CDC14B: variants seen among roughly 807,000 people sequenced by gnomAD.
The protein encoded by CDC14B is dual specificity protein phosphatase CDC14B.
CDC14B carries 22 observed loss-of-function variants against 64.2 expected under a neutral mutation model. The ratio of observed to expected loss-of-function variants is 0.34; its 90% confidence interval spans 0.24 to 0.49. CDC14B has a LOEUF of 0.49. Among genes scored for constraint, CDC14B ranks in the 20% least tolerant of loss-of-function variants. The pLI is 0.99. For synonymous variants in CDC14B, 191 were observed against 215.8 expected (o/e 0.89, Z 1.01); for missense variants, 498 against 629.9 (o/e 0.79, Z 2.24).
In CDC14B at chr9:96,515,529, A is replaced by C; in HGVS notation, c.1344-5740T>G. On this transcript the variant is annotated intron_variant, in intron 12 of 13. Coordinates refer to ENST00000375241, the MANE Select transcript of CDC14B (RefSeq NM_033331.4). This position sits in a 1 kb window ranked among gnomAD's most constrained non-coding sequence, Gnocchi z 4.3. ...TTAATTGAAAAGATTCAGAAAAAGA[A>C]CCTTTGAAAATAGGCAAACCAACAA... is the stretch of plus-strand genomic sequence containing the variant. 1 of 997,804 alleles carries C rather than the reference A, an allele frequency of 1.0e-6. No homozygotes were observed. Among genetic ancestry groups the C allele is most frequent in the Non-Finnish European group, 1.4e-6 (1 of 711,642 alleles). The allele number at this position is 997,804 out of a possible 1,614,324, so 61.8% of individuals were successfully genotyped here.
chr9:96,566,816 T>C (rs371635188), intron 1 of CDC14B: 14 of 1,605,526 alleles, frequency 8.7e-6, no homozygotes, highest in East Asian at 4.5e-5. Flanking sequence ...TCCCGGCTCA[T>C]GACTCCAAAG....
rs530307668 is a variant in CDC14B, at chr9:96,500,670, A to G, written c.*3083T>C. ...CAGGGCAGTTTCAGCGGGAGAGAAC[A>G]TTTAAAGGAACAATAAAATAGGTTT... On this transcript the variant is annotated 3_prime_UTR_variant, in exon 14 of 14. Transcript: ENST00000375241. 1 of 152,788 alleles carries G rather than the reference A, an allele frequency of 6.5e-6. No homozygotes were observed. Among genetic ancestry groups the G allele is most frequent in the African/African-American group, 2.4e-5 (1 of 41,588 alleles). The allele number at this position is 152,788 out of a possible 1,614,324, so 9.5% of individuals were successfully genotyped here. A position where few individuals can be genotyped will look rare whatever the true frequency, so the allele number is the denominator to read the frequency against.
At chr9:96,545,613 T>G (rs577194647) in intron 5 of CDC14B, among the ~76,000 whole-genome samples, 1 of 152,276 alleles carries the variant, frequency 6.6e-6, no homozygotes, top group Non-Finnish European at 1.5e-5. Flanking sequence ...CCACTGCGCC[T>G]GGCTTGATTA....
At chr9:96,513,519 C>T (rs1199536142) in intron 12 of CDC14B, among the ~76,000 whole-genome samples, 1 of 152,216 alleles carries the variant, frequency 6.6e-6, no homozygotes. Flanking sequence ...TCCTACCTAC[C>T]TCTTGCCTAT....
intron 1 of CDC14B, among the ~76,000 whole-genome samples, chr9:96,581,523 A>T (rs906030060): frequency 2.2e-5 from 3 of 138,308 alleles, no homozygotes; most frequent in African/African-American, 7.0e-5. Context: ...TTTAAAAATT[A>T]AAAAATTAAA....
rs1021509007 is a variant in CDC14B, at chr9:96,541,874, A to G, written c.516T>C (p.Ser172=). 16 of 1,609,342 alleles carry G rather than the reference A, an allele frequency of 9.9e-6. No individual in the cohort carries two copies. The highest frequency in any genetic ancestry group is 4.5e-5 in the East Asian group (2 of 44,766). Residue 172 remains serine, a synonymous_variant, in exon 6 of 14, where the codon AGT becomes AGC. Transcript: ENST00000375241. ...CAAGAAGTGTAATGTAGAAATTGCAACTTCCATAGGCAGCATCTCTGAAAC... is the reference window on the plus strand; with the variant it reads ...CAAGAAGTGTAATGTAGAAATTGCAGCTTCCATAGGCAGCATCTCTGAAAC... The part of the protein sequence containing the change: ...YIPFRDAAYG[S]CNFYITLLDC...
At chr9:96,592,185 C>T (rs2118625491) in intron 1 of CDC14B, among the ~76,000 whole-genome samples, 1 of 152,232 alleles carries the variant, frequency 6.6e-6, no homozygotes, top group East Asian at 1.9e-4. Context: ...TCAAGCGATC[C>T]CACCTCATCA....
chr9:96,508,517 C>A (rs956000334), intron 13 of CDC14B, among the ~76,000 whole-genome samples: 3 of 152,190 alleles, frequency 2.0e-5, no homozygotes, highest in African/African-American at 7.2e-5. Context: ...ATATTCTTCT[C>A]AAGAAGAATC....
At chr9:96,513,650 G>A (rs977287011) in intron 12 of CDC14B, among the ~76,000 whole-genome samples, 2 of 152,076 alleles carry the variant, frequency 1.3e-5, no homozygotes, top group African/African-American at 2.4e-5. Context: ...GCCAGGTCTC[G>A]AACATAAATG....
chr9:96,592,526 A>T (rs923433635), intron 1 of CDC14B, among the ~76,000 whole-genome samples: 1 of 152,206 alleles, frequency 6.6e-6, no homozygotes, highest in Non-Finnish European at 1.5e-5. Flanking sequence ...CTGTAATCCC[A>T]GCAATTTGGG....
intron 5 of CDC14B, among the ~76,000 whole-genome samples, chr9:96,544,314 G>A (rs1840498831): frequency 6.6e-6 from 1 of 152,168 alleles, no homozygotes; most frequent in African/African-American, 2.4e-5. Context: ...TTCCACAAAT[G>A]TTAGAATAAA....
chr9:96,549,547 C>A (rs1056858619), intron 5 of CDC14B, among the ~76,000 whole-genome samples: 4 of 152,038 alleles, frequency 2.6e-5, no homozygotes, highest in African/African-American at 9.7e-5. Flanking sequence ...CGCCTGTAGT[C>A]CTAGCTACTC....
At chr9:96,567,176 A>G (rs1294127435) in intron 1 of CDC14B, 3 of 339,312 alleles carry the variant, frequency 8.8e-6, no homozygotes, top group African/African-American at 4.4e-5. Context: ...CAGAGGGGAC[A>G]TGCGTCAGAG....
At chr9:96,584,414 T>C (rs1845345777) in intron 1 of CDC14B, among the ~76,000 whole-genome samples, 1 of 152,190 alleles carries the variant, frequency 6.6e-6, no homozygotes, top group African/African-American at 2.4e-5. Flanking sequence ...GTATCACTAA[T>C]ATGCCCTAAA....
chr9:96,588,334 A>T (rs775572526), intron 1 of CDC14B, among the ~76,000 whole-genome samples: 10 of 152,198 alleles, frequency 6.6e-5, no homozygotes, highest in Non-Finnish European at 1.2e-4. Flanking sequence ...TGCTGTGCAT[A>T]GCCTGTCAGC....
chr9:96,590,116 CTATA>C (rs1845693497), intron 1 of CDC14B, among the ~76,000 whole-genome samples: 1 of 152,180 alleles, frequency 6.6e-6, no homozygotes, highest in Non-Finnish European at 1.5e-5. Context: ...AACTGAAACT[CTATA>C]TCCACTGAAC....
At chr9:96,566,351 G>A (rs1843921882) in intron 1 of CDC14B, among the ~76,000 whole-genome samples, 2 of 141,842 alleles carry the variant, frequency 1.4e-5, no homozygotes, top group Non-Finnish European at 3.0e-5. Context: ...TCCCCAAATG[G>A]TAAACTATTT....
chr9:96,575,744 G>C (rs1221237668), intron 1 of CDC14B, among the ~76,000 whole-genome samples: 1 of 152,082 alleles, frequency 6.6e-6, no homozygotes, highest in East Asian at 1.9e-4. Flanking sequence ...CAGCATTTTG[G>C]GAGGCTAAGG....
chr9:96,596,166 A>G (rs1205413896), intron 1 of CDC14B, among the ~76,000 whole-genome samples: 1 of 152,088 alleles, frequency 6.6e-6, no homozygotes, highest in Non-Finnish European at 1.5e-5. Flanking sequence ...GTTTGAGACT[A>G]GCCTGGCCAA....
Sources: allele counts gnomAD v4.1 joint callset (sites outside exome capture counted in the v4.1 genomes callset), GRCh38; gene constraint gnomAD v4.1.1; non-coding constraint Gnocchi (gnomAD v3.1); transcripts MANE v1.5; gene names NCBI Gene and HGNC (gene_info 2026-07-23, HGNC 2026-07-21).